MICAL2: variants seen among roughly 807,000 people sequenced by gnomAD.
MICAL2 encodes the protein [F-actin]-monooxygenase MICAL2.
In MICAL2, 77 loss-of-function variants were observed where a neutral mutation model predicts 127.3. The observed-to-expected ratio is 0.60, with a 90% CI of 0.50 to 0.73. MICAL2 has a LOEUF of 0.73. Among genes scored for constraint, MICAL2 ranks in the 30% least tolerant of loss-of-function variants. MICAL2 has a pLI of 0.00. For synonymous variants in MICAL2, 570 were observed against 551.1 expected (o/e 1.03, Z -0.48); for missense variants, 1,351 against 1,434.4 (o/e 0.94, Z 0.94).
chr11:12,298,034 T>G (rs1310658197), intron 29 of MICAL2, among the ~76,000 whole-genome samples: 1 of 151,958 alleles, frequency 6.6e-6, no homozygotes, highest in East Asian at 1.9e-4. Context: ...TATATGAACT[T>G]AGTATAAGCT....
chr11:12,222,801 T>A (rs1191203635), intron 11 of MICAL2, 58 bp downstream of exon 11: 35 of 1,598,716 alleles, frequency 2.2e-5, no homozygotes, highest in Non-Finnish European at 2.9e-5. Context: ...TGGGAAGAGG[T>A]GGTGGGGAGG....
rs1860181547 is a variant in MICAL2, at chr11:12,242,889, G to A, written c.2658+117G>A. On this transcript the variant is annotated intron_variant, in intron 20 of 27. Coordinates refer to ENST00000683283, the MANE Select transcript of MICAL2 (RefSeq NM_001282663.2). ...CCTTCCTCCTTTTAGAGCATGAAGAGCTCTTTATTTTTCAAGCCACCAAAT... is the reference window on the plus strand; with the variant it reads ...CCTTCCTCCTTTTAGAGCATGAAGAACTCTTTATTTTTCAAGCCACCAAAT... 6.0e-6 allele frequency: 4 copies of A among 668,266 alleles called. No homozygotes were observed. In the South Asian group the frequency reaches 7.1e-5, roughly 12 times the overall value. The allele number at this position is 668,266 out of a possible 1,614,324, so 41.4% of individuals were successfully genotyped here.
At position 12,204,288 on chromosome 11, in the gene MICAL2, T is replaced by C. The variant is rs750502708; in HGVS notation, c.303T>C (p.Thr101=). 1 of 1,613,900 alleles carries C rather than the reference T, an allele frequency of 6.2e-7. No homozygotes were observed. The highest frequency in any genetic ancestry group is 8.5e-7 in the Non-Finnish European group (1 of 1,180,030). ...IVGGGPCGLR[T]AIELAYLGAK... is the part of the protein sequence containing the mutation. ...GGGGAGGACCCTGTGGCTTGCGCACTGCCATTGAACTTGCCTACCTGGGAG... is the reference window on the plus strand; with the variant it reads ...GGGGAGGACCCTGTGGCTTGCGCACCGCCATTGAACTTGCCTACCTGGGAG... The change falls in exon 4 of 28, where the codon ACT becomes ACC. Residue 101 remains threonine (T), a synonymous_variant. Coordinates refer to ENST00000683283, the MANE Select transcript of MICAL2 (RefSeq NM_001282663.2).
chr11:12,191,187 G>A lies in MICAL2; in HGVS notation c.265-13063G>A, dbSNP rs147443493. Among the ~76,000 whole-genome samples the A allele has an allele frequency of 2.1e-3, 325 of 152,300 alleles. 1 individual carries two copies. The highest frequency in any genetic ancestry group is 7.3e-3 in the African/African-American group (305 of 41,552). On this transcript the variant is annotated intron_variant, in intron 3 of 27. Coordinates refer to ENST00000683283, the MANE Select transcript of MICAL2 (RefSeq NM_001282663.2). ...TATTTAACAAATAAAAAAGATGGCC[G>A]GGTGCGGTGGCCCACGCCTGTAATC...
chr11:12,295,439 C>CTATTTT (rs1863974432), downstream of MICAL2, among the ~76,000 whole-genome samples: 9 of 37,746 alleles, frequency 2.4e-4, no homozygotes, highest in Admixed American at 1.1e-3. Flanking sequence ...CATGCTCAGC[C>CTATTTT]TCTTTTTTTT....
chr11:12,140,175 G>C (rs1380650694), intron 2 of MICAL2, among the ~76,000 whole-genome samples: 2 of 152,226 alleles, frequency 1.3e-5, no homozygotes. Context: ...TACTTCTCTA[G>C]GGCAGGGGAA....
intron 27 of MICAL2, 63 bp from the exon 28 acceptor site, chr11:12,263,497 A>G (rs1863397074): frequency 6.6e-6 from 1 of 152,554 alleles, no homozygotes. Context: ...CTGCACGCTC[A>G]CTGTATTTGT....
At chr11:12,195,980 T>C (rs1329935595) in intron 3 of MICAL2, 1 of 153,256 alleles carries the variant, frequency 6.5e-6, no homozygotes, top group Non-Finnish European at 1.5e-5. Flanking sequence ...GTGAGTGACA[T>C]GATCTGACTT....
At chr11:12,354,999 C>A in intron 34 of MICAL2, 1 of 689,272 alleles carries the variant, frequency 1.5e-6, no homozygotes, top group Non-Finnish European at 2.4e-6. Context: ...CTGCCTCCCA[C>A]CAGCAGCACC....
rs1027335 is a variant in MICAL2 at position 12,259,880 on chromosome 11, T to C, written c.3317T>C (p.Leu1106Pro). Residue 1106 changes from leucine (L) to proline (P), a missense_variant, in exon 26 of 28, where the codon CTG becomes CCG. Leu to Pro is a moderately conservative substitution (Grantham distance 98, BLOSUM62 -3). Coordinates refer to ENST00000683283, the MANE Select transcript of MICAL2 (RefSeq NM_001282663.2). The part of the protein sequence containing the change: ...SSCAVAAIGT[L>P]EGSPPVHFSL... ...TGCGCAGTGGCCGCCATTGGCACCC[T>C]GGAAGGCAGCCCCCCAGGTATCTCC... 8,298 of 1,612,604 alleles carry C rather than the reference T, an allele frequency of 5.1e-3. 320 individuals carry two copies. The African/African-American group carries it at 0.086, about 17-fold the overall frequency.
chr11:12,204,754 T>C (rs1854455828), intron 4 of MICAL2, among the ~76,000 whole-genome samples: 2 of 152,116 alleles, frequency 1.3e-5, no homozygotes, highest in Admixed American at 1.3e-4. Flanking sequence ...TAAACATCTG[T>C]TGGATGATTG....
intron 4 of MICAL2, among the ~76,000 whole-genome samples, chr11:12,205,583 G>A (rs565730861): frequency 1.3e-5 from 2 of 152,312 alleles, no homozygotes; most frequent in African/African-American, 4.8e-5. Flanking sequence ...TATGGGGAAA[G>A]CTCAAGAGTT....
At chr11:12,295,094 T>C (rs1328029685), downstream of MICAL2, among the ~76,000 whole-genome samples, 1 of 152,094 alleles carries the variant, frequency 6.6e-6, no homozygotes, top group Non-Finnish European at 1.5e-5. Flanking sequence ...ATTTATTTTC[T>C]TTCTTTCCAT....
intron 21 of MICAL2, among the ~76,000 whole-genome samples, chr11:12,246,059 A>T (rs1860698656): frequency 6.6e-6 from 1 of 152,212 alleles, no homozygotes; most frequent in South Asian, 2.1e-4. Context: ...TCCCCAGAAA[A>T]GTCTGGCGTG....
In MICAL2 at chr11:12,241,119, C is replaced by T. The variant is rs377077899; in HGVS notation, c.2294C>T (p.Pro765Leu). ...GPPVHSCCPK[P>L]EEATPSPSPP... ...CCTGTTCACTCTTGCTGCCCCAAGCCGGAGGAGGCCACACCCAGCCCATCA... is the reference window on the plus strand; with the variant it reads ...CCTGTTCACTCTTGCTGCCCCAAGCTGGAGGAGGCCACACCCAGCCCATCA... Residue 765 changes from proline to leucine, a missense_variant, in exon 18 of 28, where the codon CCG becomes CTG. Around this residue, in one of 2 missense-constraint regions of MICAL2, gnomAD observed 752 missense variants for 719.4 expected, o/e 1.05. Coordinates refer to ENST00000683283, the MANE Select transcript of MICAL2 (RefSeq NM_001282663.2). The T allele has an allele frequency of 2.4e-5, 39 of 1,614,144 alleles. No homozygotes were observed. The highest frequency in any genetic ancestry group is 1.9e-4 in the African/African-American group (14 of 75,034).
chr11:12,305,620 T>A (rs1248776699), intron 29 of MICAL2, among the ~76,000 whole-genome samples: 1 of 152,232 alleles, frequency 6.6e-6, no homozygotes, highest in Non-Finnish European at 1.5e-5. Flanking sequence ...GTTGTGTGCC[T>A]GTGACCTAGC....
chr11:12,333,944 G>A (rs138936811), intron 32 of MICAL2, among the ~76,000 whole-genome samples: 155 of 152,242 alleles, frequency 1.0e-3, no homozygotes, highest in Admixed American at 2.5e-3. Flanking sequence ...CAGGAAATAA[G>A]TGATTCTGAG....
chr11:12,284,742 G>A (rs1161554911), intron 2 of MICAL2, among the ~76,000 whole-genome samples: 1 of 152,186 alleles, frequency 6.6e-6, no homozygotes, highest in Non-Finnish European at 1.5e-5. Context: ...CAGGCAGCCA[G>A]CAATTGGGGG....
At chr11:12,232,818 TG>T (rs778656715) in intron 15 of MICAL2, among the ~76,000 whole-genome samples, 2 of 152,246 alleles carry the variant, frequency 1.3e-5, no homozygotes, top group Non-Finnish European at 2.9e-5. Context: ...TCTGCAGTTT[TG>T]CTTTCTAGGG....
Sources: gnomAD v4.1 joint callset for allele counts (sites outside exome capture counted in the v4.1 genomes callset) on GRCh38, gnomAD v4.1.1 for gene constraint, gnomAD v4.1.1 regional missense constraint, MANE v1.5 for transcripts, NCBI Gene and HGNC (gene_info 2026-07-23, HGNC 2026-07-21) for gene names.